The following NDUFAF2 variants were observed in gnomAD, a reference collection of about 807,000 sequenced individuals.
The protein encoded by NDUFAF2 is NADH:ubiquinone oxidoreductase complex assembly factor 2.
Under a neutral mutation model 22.8 loss-of-function variants are expected in NDUFAF2, and 13 were observed. That is an observed-to-expected ratio of 0.57 (90% CI 0.37 to 0.91). The LOEUF is 0.91. Ranked by LOEUF, NDUFAF2 falls within the 40% of genes least tolerant of loss-of-function variation. The probability of loss-of-function intolerance (pLI) is 0.01; values close to 1 mark genes in which losing one functional copy is unlikely to be tolerated. For synonymous variants in NDUFAF2, 53 were observed against 64.2 expected, an observed-to-expected ratio of 0.83 and a Z score of 0.84; for missense variants, 162 against 195.2, an observed-to-expected ratio of 0.83 and a Z score of 1.01.
At chr5:61,104,314 A>G (rs1014846846) in intron 3 of NDUFAF2, among the ~76,000 whole-genome samples, 8 of 152,114 alleles carry the variant, frequency 5.3e-5, no homozygotes, top group African/African-American at 1.4e-4. Context: ...TACTAACACA[A>G]TAGGAAAAGT....
At chr5:61,131,972 G>T (rs1378317428) in intron 3 of NDUFAF2, among the ~76,000 whole-genome samples, 2 of 152,080 alleles carry the variant, frequency 1.3e-5, no homozygotes, top group African/African-American at 2.4e-5. Flanking sequence ...AAAGAGAAAA[G>T]AACATTCTGA....
At chr5:61,125,921 A>T (rs1753030468) in intron 3 of NDUFAF2, among the ~76,000 whole-genome samples, 1 of 152,070 alleles carries the variant, frequency 6.6e-6, no homozygotes, top group Admixed American at 6.6e-5. Flanking sequence ...TTCTGCACTA[A>T]GTGTGCCCCA....
chr5:61,128,712 G>A (rs910990357), intron 3 of NDUFAF2, among the ~76,000 whole-genome samples: 2 of 152,078 alleles, frequency 1.3e-5, no homozygotes, highest in African/African-American at 4.8e-5. Context: ...GAAAACCTAG[G>A]CAATACCATT....
chr5:61,148,289 G>A (rs889280202), intron 3 of NDUFAF2, among the ~76,000 whole-genome samples: 1 of 152,014 alleles, frequency 6.6e-6, no homozygotes, highest in East Asian at 1.9e-4. Flanking sequence ...TGCCCTTCAG[G>A]GATCACACTA....
Position 61,090,179 on chromosome 5 carries a change from C to T in NDUFAF2, c.218-8813C>T, listed in dbSNP as rs1041950868. On this transcript the variant is annotated intron_variant, in intron 2 of 3. Transcript: ENST00000296597. ...TTTTTGCATCAAAATATGTATTTTT[C>T]GCTAAAGGGATTATACTTAATTGTA... 1.6e-4 allele frequency among the ~76,000 whole-genome samples: 25 copies of T among 151,938 alleles called. No individual in the cohort carries two copies. In the East Asian group the frequency reaches 4.1e-3, roughly 25 times the overall value.
intron 3 of NDUFAF2, among the ~76,000 whole-genome samples, chr5:61,100,393 T>C (rs892088068): frequency 6.6e-6 from 1 of 152,068 alleles, no homozygotes; most frequent in African/African-American, 2.4e-5. Context: ...TCAAACAATC[T>C]CTAGCCAGAA....
chr5:60,955,679 T>G (rs757260260), intron 1 of NDUFAF2, among the ~76,000 whole-genome samples: 49 of 152,202 alleles, frequency 3.2e-4, no homozygotes, highest in Non-Finnish European at 4.6e-4. Context: ...ACTTTAACAA[T>G]ATTAATTCTT....
chr5:60,991,764 C>A (rs1751160912), intron 1 of NDUFAF2, among the ~76,000 whole-genome samples: 1 of 152,012 alleles, frequency 6.6e-6, no homozygotes, highest in African/African-American at 2.4e-5. Flanking sequence ...ATAAACATGG[C>A]AGATATCTGT....
intron 3 of NDUFAF2, chr5:61,114,435 C>G (rs1210112086): frequency 2.0e-5 from 3 of 152,154 alleles, no homozygotes; most frequent in Non-Finnish European, 4.4e-5. Context: ...AATTCCTCCT[C>G]TGTGTTATCT....
chr5:61,076,913 A>T (rs1453898419), intron 2 of NDUFAF2, among the ~76,000 whole-genome samples: 1 of 152,196 alleles, frequency 6.6e-6, no homozygotes, highest in African/African-American at 2.4e-5. Flanking sequence ...GACATATTGG[A>T]TGTGGAGCAT....
In NDUFAF2 at chr5:61,111,038, A is replaced by G. The variant is rs577896653; in HGVS notation, c.258+12006A>G. Among the ~76,000 whole-genome samples the G allele has an allele frequency of 5.3e-5, 8 of 152,086 alleles. No individual in the cohort carries two copies. The South Asian group carries it at 1.7e-3, about 32-fold the overall frequency. Reference sequence around the variant, plus strand: ...TTTCCATTTTCATTTGTTTCAAGAAATTTTTCAATTTCCCTTTTAAATTCT... The same window carrying G: ...TTTCCATTTTCATTTGTTTCAAGAAGTTTTTCAATTTCCCTTTTAAATTCT... On this transcript the variant is annotated intron_variant, in intron 3 of 3. Coordinates refer to ENST00000296597, the MANE Select transcript of NDUFAF2 (RefSeq NM_174889.5).
chr5:61,019,142 G>A (rs774841028), intron 1 of NDUFAF2, among the ~76,000 whole-genome samples: 1 of 151,896 alleles, frequency 6.6e-6, no homozygotes, highest in Non-Finnish European at 1.5e-5. Context: ...TCATTTATAG[G>A]GATTAATTTT....
chr5:60,966,541 G>A (rs1027968843), intron 1 of NDUFAF2, among the ~76,000 whole-genome samples: 3 of 152,100 alleles, frequency 2.0e-5, no homozygotes, highest in African/African-American at 7.2e-5. Flanking sequence ...TGAATATAGT[G>A]TGAGATGAGG....
intron 2 of NDUFAF2, among the ~76,000 whole-genome samples, chr5:61,085,917 C>T (rs1372464468): frequency 6.6e-6 from 1 of 151,994 alleles, no homozygotes; most frequent in East Asian, 1.9e-4. Context: ...GACTTGCAGT[C>T]CAACCTGGGC....
chr5:61,126,807 A>G (rs1203562689), intron 3 of NDUFAF2, among the ~76,000 whole-genome samples: 5 of 152,240 alleles, frequency 3.3e-5, no homozygotes, highest in South Asian at 2.1e-4. Context: ...TGAAGCAGAT[A>G]GAGACACAAA....
At chr5:61,082,543 C>A (rs1404555245) in intron 2 of NDUFAF2, among the ~76,000 whole-genome samples, 1 of 152,034 alleles carries the variant, frequency 6.6e-6, no homozygotes, top group Non-Finnish European at 1.5e-5. Flanking sequence ...TGGTACCCTC[C>A]CTAGTTTCTG....
intron 2 of NDUFAF2, among the ~76,000 whole-genome samples, chr5:61,077,904 C>A: frequency 6.6e-6 from 1 of 152,100 alleles, no homozygotes; most frequent in East Asian, 1.9e-4. Context: ...TAAGTAAGTT[C>A]CTAAGTATCA....
At chr5:60,969,202 G>A (rs1371873311) in intron 1 of NDUFAF2, among the ~76,000 whole-genome samples, 1 of 152,026 alleles carries the variant, frequency 6.6e-6, no homozygotes. Flanking sequence ...TTGATATACT[G>A]TTTTCCTGTC....
intron 3 of NDUFAF2, among the ~76,000 whole-genome samples, chr5:61,123,556 G>A (rs1386825568): frequency 6.6e-6 from 1 of 152,146 alleles, no homozygotes; most frequent in Non-Finnish European, 1.5e-5. Flanking sequence ...TCATTGCATA[G>A]CACGTAACTG....
Sources: gnomAD v4.1 joint callset for allele counts (sites outside exome capture counted in the v4.1 genomes callset) on GRCh38, gnomAD v4.1.1 for gene constraint, MANE v1.5 for transcripts, NCBI Gene and HGNC (gene_info 2026-07-23, HGNC 2026-07-21) for gene names.